Variants in JAZF1 observed in about 807,000 individuals in gnomAD.
The protein encoded by JAZF1 is JAZF zinc finger 1.
A neutral mutation model predicts 26.4 loss-of-function variants in JAZF1; 8 were observed. The observed-to-expected ratio is 0.30, with a 90% CI of 0.18 to 0.55. The LOEUF (loss-of-function observed/expected upper bound fraction) is 0.55. Ranked by LOEUF, JAZF1 falls within the 20% of genes least tolerant of loss-of-function variation. The pLI is 0.94. For missense variants in JAZF1, 199 were observed against 322.0 expected, an observed-to-expected ratio of 0.62 and a Z score of 2.92; for synonymous variants, 126 against 122.3, an observed-to-expected ratio of 1.03 and a Z score of -0.20.
intron 3 of JAZF1, among the ~76,000 whole-genome samples, chr7:27,867,334 C>T (rs1161412999): frequency 6.6e-6 from 1 of 152,148 alleles, no homozygotes; most frequent in Non-Finnish European, 1.5e-5. Context: ...CATGAAAATG[C>T]ACCAACAGAA....
At chr7:28,038,468 C>T (rs934390872) in intron 1 of JAZF1, among the ~76,000 whole-genome samples, 6 of 152,122 alleles carry the variant, frequency 3.9e-5, no homozygotes, top group African/African-American at 1.2e-4. Flanking sequence ...AATTCTACTA[C>T]GGAATTTGTT....
intron 1 of JAZF1, among the ~76,000 whole-genome samples, chr7:28,145,817 G>A (rs1424756876): frequency 6.6e-6 from 1 of 152,024 alleles, no homozygotes; most frequent in African/African-American, 2.4e-5. Flanking sequence ...CAACCACTTT[G>A]CTGTTTTCTG....
At chr7:28,082,334 T>C (rs1784150507) in intron 1 of JAZF1, among the ~76,000 whole-genome samples, 1 of 152,124 alleles carries the variant, frequency 6.6e-6, no homozygotes, top group Non-Finnish European at 1.5e-5. Context: ...TGAGGAGTGT[T>C]CCTCATTGAA....
chr7:28,166,136 T>C (rs1458051403), intron 1 of JAZF1, among the ~76,000 whole-genome samples: 1 of 151,090 alleles, frequency 6.6e-6, no homozygotes, highest in African/African-American at 2.4e-5. Flanking sequence ...ATAAAAAAAG[T>C]TGGAAACCAC....
At chr7:27,905,171 C>G (rs1321531032) in intron 2 of JAZF1, among the ~76,000 whole-genome samples, 2 of 152,076 alleles carry the variant, frequency 1.3e-5, no homozygotes, top group Non-Finnish European at 2.9e-5. Flanking sequence ...ACTCTGCTGC[C>G]CAGGCTTGTC....
chr7:28,047,377 T>A (rs555780875), intron 1 of JAZF1, among the ~76,000 whole-genome samples: 1 of 152,268 alleles, frequency 6.6e-6, no homozygotes, highest in East Asian at 1.9e-4. Flanking sequence ...AAAGAAATTC[T>A]ATTAAAATTT....
intron 2 of JAZF1, among the ~76,000 whole-genome samples, chr7:27,973,535 G>C (rs1232961667): frequency 6.6e-6 from 1 of 152,342 alleles, no homozygotes; most frequent in South Asian, 2.1e-4. Context: ...CCGCGCTCAA[G>C]TGATCCTCCT....
chr7:28,074,321 A>G (rs1784020753), intron 1 of JAZF1, among the ~76,000 whole-genome samples: 1 of 152,248 alleles, frequency 6.6e-6, no homozygotes, highest in Non-Finnish European at 1.5e-5. Flanking sequence ...AGTTTGAGTC[A>G]TGGAATAGAG....
chr7:28,123,229 T>C (rs1046175845), intron 1 of JAZF1, among the ~76,000 whole-genome samples: 2 of 152,186 alleles, frequency 1.3e-5, no homozygotes, highest in East Asian at 1.9e-4. Flanking sequence ...CTCCGAATCA[T>C]GACCACCCCC....
chr7:27,926,120 G>A (rs914644033), intron 2 of JAZF1, among the ~76,000 whole-genome samples: 14 of 152,360 alleles, frequency 9.2e-5, no homozygotes, highest in Admixed American at 2.0e-4. Context: ...TCAAGATGGA[G>A]AGGAAGGCTG....
chr7:27,865,059 G>A (rs1783451644), intron 3 of JAZF1, among the ~76,000 whole-genome samples: 8 of 152,166 alleles, frequency 5.3e-5, no homozygotes. Flanking sequence ...ATGGAATAGA[G>A]AGTATCAGAG....
intron 2 of JAZF1, among the ~76,000 whole-genome samples, chr7:27,918,795 TAAG>T (rs1784483465): frequency 6.6e-6 from 1 of 151,896 alleles, no homozygotes; most frequent in Non-Finnish European, 1.5e-5. Flanking sequence ...CAAAATGAAT[TAAG>T]GAGAAGAGAA....
chr7:27,975,876 C>T (rs1408489326), intron 2 of JAZF1, among the ~76,000 whole-genome samples: 1 of 152,186 alleles, frequency 6.6e-6, no homozygotes, highest in East Asian at 1.9e-4. Flanking sequence ...TAAGAATGAA[C>T]TGTAGACTAC....
intron 1 of JAZF1, among the ~76,000 whole-genome samples, chr7:28,027,003 A>T (rs930256883): frequency 1.1e-4 from 17 of 152,194 alleles, no homozygotes; most frequent in African/African-American, 3.6e-4. Context: ...TTAAAAACAG[A>T]CTCTTTAATT....
chr7:28,141,838 A>G (rs967339106), intron 1 of JAZF1, among the ~76,000 whole-genome samples: 2 of 152,216 alleles, frequency 1.3e-5, no homozygotes, highest in East Asian at 1.9e-4. Flanking sequence ...TTAAAATGAA[A>G]AAGTTTCACA....
At chr7:27,875,619 C>G (rs1562515185) in intron 3 of JAZF1, among the ~76,000 whole-genome samples, 1 of 152,214 alleles carries the variant, frequency 6.6e-6, no homozygotes, top group Non-Finnish European at 1.5e-5. Context: ...TCCAAGAGGT[C>G]TCCTGACTCT....
At chr7:27,983,197 T>C (rs2128362736) in intron 2 of JAZF1, among the ~76,000 whole-genome samples, 1 of 152,188 alleles carries the variant, frequency 6.6e-6, no homozygotes, top group South Asian at 2.1e-4. Context: ...GCTAAAACCC[T>C]TGAAAAAAGA....
At chr7:27,915,005 C>T (rs1315413771) in intron 2 of JAZF1, among the ~76,000 whole-genome samples, 3 of 152,128 alleles carry the variant, frequency 2.0e-5, no homozygotes, top group Non-Finnish European at 2.9e-5. Context: ...CCTCAGCAAC[C>T]AATAAGATGG....
chr7:27,983,369 T>C lies in JAZF1; in HGVS notation c.188+8540A>G, dbSNP rs6968953. Among the ~76,000 whole-genome samples, 766 of 152,168 alleles carry C rather than the reference T, an allele frequency of 5.0e-3. 9 individuals carry two copies. Among genetic ancestry groups the C allele is most frequent in the African/African-American group, 0.017 (721 of 41,502 alleles). Reference sequence around the variant, plus strand: ...TATCAGTGATTGAAGATCAAATGAATGAAATGAAGTGAGAAGAGAAGTTTA... The same window carrying C: ...TATCAGTGATTGAAGATCAAATGAACGAAATGAAGTGAGAAGAGAAGTTTA... On this transcript the variant is annotated intron_variant, in intron 2 of 4. Coordinates refer to ENST00000283928, the MANE Select transcript of JAZF1 (RefSeq NM_175061.4).
Sources: gnomAD v4.1 joint callset for allele counts (sites outside exome capture counted in the v4.1 genomes callset) on GRCh38, gnomAD v4.1.1 for gene constraint, MANE v1.5 for transcripts, NCBI Gene and HGNC (gene_info 2026-07-23, HGNC 2026-07-21) for gene names.